MGAT3: variants seen among roughly 807,000 people sequenced by gnomAD.
The protein encoded by MGAT3 is beta-1,4-mannosyl-glycoprotein 4-beta-N-acetylglucosaminyltransferase, also known as GlcNAc-T III.
Under a neutral mutation model 29.8 loss-of-function variants are expected in MGAT3, and 9 were observed. The observed-to-expected ratio is 0.30, with a 90% CI of 0.18 to 0.53. MGAT3 has a LOEUF of 0.53. MGAT3 is among the 20% of genes least tolerant of loss of function. MGAT3 has a pLI of 0.96. For missense variants in MGAT3, 557 were observed against 769.5 expected, an observed-to-expected ratio of 0.72 and a Z score of 3.27; for synonymous variants, 397 against 348.9, an observed-to-expected ratio of 1.14 and a Z score of -1.54.
chr22:39,489,495 G>C lies in MGAT3; in HGVS notation c.*546G>C, dbSNP rs1257524473. ...ACATCCTACCAAGAGGAGGTGCTGA[G>C]GGATGCTTTGCAGTGTAGTCAGAAG... is the stretch of plus-strand genomic sequence containing the variant. On this transcript the variant is annotated 3_prime_UTR_variant, in exon 2 of 2. Coordinates refer to ENST00000341184, the MANE Select transcript of MGAT3 (RefSeq NM_002409.5). The C allele has an allele frequency of 1.1e-5, 2 of 176,278 alleles. No individual in the cohort carries two copies. The highest frequency in any genetic ancestry group is 2.7e-5 in the Non-Finnish European group (2 of 73,436). 10.9% of individuals were successfully genotyped at this position (176,278 alleles called of 1,614,324 possible).
At chr22:39,485,554 G>T (rs1042274268) in intron 1 of MGAT3, among the ~76,000 whole-genome samples, 2 of 152,200 alleles carry the variant, frequency 1.3e-5, no homozygotes, top group African/African-American at 4.8e-5. Flanking sequence ...ACTTTGGGAG[G>T]TCGAGGTGGG....
At chr22:39,479,477 G>A (rs751867170) in intron 1 of MGAT3, among the ~76,000 whole-genome samples, 12 of 152,262 alleles carry the variant, frequency 7.9e-5, no homozygotes, top group Non-Finnish European at 1.0e-4. Context: ...CCAGCCCCTG[G>A]CCCCTCCCCA....
chr22:39,466,200 C>T (rs561171354), intron 1 of MGAT3, among the ~76,000 whole-genome samples: 123 of 152,240 alleles, frequency 8.1e-4, no homozygotes, highest in African/African-American at 2.8e-3. Context: ...ATTCTAACAG[C>T]GGGAAGAAAA....
chr22:39,467,323 G>C (rs1928676831), intron 1 of MGAT3, among the ~76,000 whole-genome samples: 1 of 152,202 alleles, frequency 6.6e-6, no homozygotes, highest in Non-Finnish European at 1.5e-5. Context: ...GCATCCTGGA[G>C]AGATGGGAAA....
At position 39,488,806 on chromosome 22, in the gene MGAT3, C is replaced by T; in HGVS notation, c.1459C>T (p.Leu487=). The part of the protein sequence containing the change: ...PSEHMYAPKY[L]LKNYDRFHYL... ...CGAGCACATGTATGCGCCCAAGTAC[C>T]TGCTGAAGAACTACGACCGGTTCCA... The change falls in exon 2 of 2, where the codon CTG becomes TTG. Residue 487 remains leucine, a synonymous_variant. Transcript: ENST00000341184. The T allele has an allele frequency of 6.2e-7, 1 of 1,611,246 alleles. No homozygotes were observed. The highest frequency in any genetic ancestry group is 8.5e-7 in the Non-Finnish European group (1 of 1,178,820).
Position 39,488,506 on chromosome 22 carries a change from T to TAC in MGAT3, c.1162_1163dup (p.Met389ProfsTer65). On this transcript the variant is annotated frameshift_variant, in exon 2 of 2. Coordinates refer to ENST00000341184, the MANE Select transcript of MGAT3 (RefSeq NM_002409.5). LOFTEE classifies it high-confidence loss of function. The stretch of plus-strand genomic sequence containing the variant: ...CATCCGCCTGCGCCGCCGCCAGTAC[T>TAC]ACACCATGCCCAACTTCAGACAGTA... 6.2e-7 allele frequency: 1 copy of TAC among 1,613,224 alleles called. No individual in the cohort carries two copies. Among genetic ancestry groups the TAC allele is most frequent in the African/African-American group, 1.3e-5 (1 of 75,056 alleles).
intron 1 of MGAT3, among the ~76,000 whole-genome samples, chr22:39,463,864 G>T (rs1011748024): frequency 2.0e-5 from 3 of 151,936 alleles, no homozygotes; most frequent in African/African-American, 7.3e-5. Flanking sequence ...GCAGTGAGCT[G>T]AGATCGCACC....
intron 1 of MGAT3, among the ~76,000 whole-genome samples, chr22:39,478,354 G>T (rs1341371048): frequency 6.6e-6 from 1 of 152,244 alleles, no homozygotes; most frequent in Non-Finnish European, 1.5e-5. Context: ...CTGCTTTACT[G>T]CTGGACATGT....
At chr22:39,466,805 G>A (rs752645213) in intron 1 of MGAT3, among the ~76,000 whole-genome samples, 7 of 152,188 alleles carry the variant, frequency 4.6e-5, no homozygotes, top group Non-Finnish European at 7.3e-5. Flanking sequence ...TCCTACACAC[G>A]GGTCAAGTTC....
chr22:39,458,414 T>C (rs1004670623), intron 1 of MGAT3, among the ~76,000 whole-genome samples: 2 of 152,084 alleles, frequency 1.3e-5, no homozygotes, highest in African/African-American at 4.8e-5. Flanking sequence ...TCCTCCCTGG[T>C]TCCCCACTTC....
In MGAT3 at chr22:39,489,249, G is replaced by T; in HGVS notation, c.*300G>T. 1 of 443,604 alleles carries T rather than the reference G, an allele frequency of 2.3e-6. No homozygotes were observed. Among genetic ancestry groups the T allele is most frequent in the South Asian group, 3.7e-5 (1 of 26,668 alleles). 27.5% of individuals were successfully genotyped at this position (443,604 alleles called of 1,614,324 possible). A position where few individuals can be genotyped will look rare whatever the true frequency, so the allele number is the denominator to read the frequency against. On this transcript the variant is annotated 3_prime_UTR_variant, in exon 2 of 2. Transcript: ENST00000341184. The stretch of plus-strand genomic sequence containing the variant: ...GAGTGTGCGTGGTGGTCCCTGGGTA[G>T]CGGGGGAGGGTAGGCAGGATTGGGG...
chr22:39,474,806 C>G (rs911349621), intron 1 of MGAT3, among the ~76,000 whole-genome samples: 4 of 152,230 alleles, frequency 2.6e-5, no homozygotes, highest in Non-Finnish European at 5.9e-5. Context: ...CCTGTTCCCC[C>G]AGGCCAAGTT....
rs564393249 is a variant in MGAT3 at position 39,474,577 on chromosome 22, C to T, written c.-1-12770C>T. On this transcript the variant is annotated intron_variant, in intron 1 of 1. Transcript: ENST00000341184. The stretch of plus-strand genomic sequence containing the variant: ...CAAGCACCTTCCCTGCACACTGGCC[C>T]AGCCCTCACGGGCTCCCACTGCCTC... 2.6e-5 allele frequency among the ~76,000 whole-genome samples: 4 copies of T among 152,326 alleles called. No individual in the cohort carries two copies. In the East Asian group the frequency reaches 7.7e-4, roughly 29 times the overall value.
At chr22:39,476,987 G>A (rs1393519781) in intron 1 of MGAT3, among the ~76,000 whole-genome samples, 2 of 152,106 alleles carry the variant, frequency 1.3e-5, no homozygotes, top group African/African-American at 2.4e-5. Flanking sequence ...TGCAGCCACC[G>A]CCTCTACCTG....
At position 39,489,063 on chromosome 22, in the gene MGAT3, GAGT is replaced by G; in HGVS notation, c.*115_*117del. 22 of 779,710 alleles carry G rather than the reference GAGT, an allele frequency of 2.8e-5. No homozygotes were observed. The highest frequency in any genetic ancestry group is 1.1e-4 in the East Asian group (3 of 28,424). 48.3% of individuals were successfully genotyped at this position (779,710 alleles called of 1,614,324 possible). On this transcript the variant is annotated 3_prime_UTR_variant, in exon 2 of 2. Transcript: ENST00000341184. ...CTTGAGGGGACCAGGAGTGGGTGGG[GAGT>G]GGGGGTGGGGGTAGGGTTTCCCTAC...
chr22:39,475,522 G>C (rs949947689), intron 1 of MGAT3, among the ~76,000 whole-genome samples: 11 of 152,120 alleles, frequency 7.2e-5, no homozygotes, highest in African/African-American at 2.7e-4. Context: ...CCTCCCTCCT[G>C]TAGTTAACCA....
chr22:39,465,104 GCC>G (rs1310839806), intron 1 of MGAT3, among the ~76,000 whole-genome samples: 1 of 152,172 alleles, frequency 6.6e-6, no homozygotes, highest in African/African-American at 2.4e-5. Flanking sequence ...TCAGTCCTGA[GCC>G]CGGAGCACTT....
rs1928351991 is a variant in MGAT3, at chr22:39,457,209, C to G, written c.-350C>G. The G allele has an allele frequency of 6.9e-6, 1 of 145,298 alleles. No individual in the cohort carries two copies. Among genetic ancestry groups the G allele is most frequent in the Non-Finnish European group, 1.5e-5 (1 of 65,368 alleles). The allele number at this position is 145,298 out of a possible 1,614,324, so 9.0% of individuals were successfully genotyped here. ...CCGCTTGAGCCGGCGGGAGCGGGCA[C>G]CCCTGCGCGCCGCGCTCGGCCTCGC... On this transcript the variant is annotated 5_prime_UTR_variant, in exon 1 of 2. Transcript: ENST00000341184. The surrounding 1 kb of genome is among the most constrained non-coding windows in gnomAD (Gnocchi z 6.8).
At position 39,467,473 on chromosome 22, in the gene MGAT3, G is replaced by A. The variant is rs944148931; in HGVS notation, c.-2+9916G>A. On this transcript the variant is annotated intron_variant, in intron 1 of 1. Transcript: ENST00000341184. ...CAGGCAGCCCCATCTCTTTGGTTCC[G>A]CTGCTCTCAAGAGCCCCAAAGAGTG... Among the ~76,000 whole-genome samples the A allele has an allele frequency of 5.3e-5, 8 of 152,062 alleles. No homozygotes were observed. The East Asian group carries it at 5.8e-4, about 11-fold the overall frequency.
Sources: allele counts gnomAD v4.1 joint callset (sites outside exome capture counted in the v4.1 genomes callset), GRCh38; gene constraint gnomAD v4.1.1; non-coding constraint Gnocchi (gnomAD v3.1); transcripts MANE v1.5; gene names NCBI Gene and HGNC (gene_info 2026-07-23, HGNC 2026-07-21).